The following OSBP2 variants were observed in gnomAD, a reference collection of about 807,000 sequenced individuals.
OSBP2 encodes oxysterol-binding protein 2.
Under a neutral mutation model 96.0 loss-of-function variants are expected in OSBP2, and 66 were observed. That is an observed-to-expected ratio of 0.69 (90% CI 0.56 to 0.84). OSBP2 has a LOEUF of 0.84. Among genes scored for constraint, OSBP2 ranks in the 40% least tolerant of loss-of-function variants. OSBP2 has a pLI of 0.00. For synonymous variants in OSBP2, 525 were observed against 520.9 expected (o/e 1.01, Z -0.11); for missense variants, 1,038 against 1,222.7 (o/e 0.85, Z 2.25).
intron 2 of OSBP2, among the ~76,000 whole-genome samples, chr22:30,828,625 A>G (rs1387126824): frequency 6.6e-6 from 1 of 152,166 alleles, no homozygotes; most frequent in Non-Finnish European, 1.5e-5. Context: ...GCAAGCAGCT[A>G]AGGGGTGGAT....
chr22:30,701,217 A>G (rs1009699333), intron 1 of OSBP2, among the ~76,000 whole-genome samples: 1 of 151,944 alleles, frequency 6.6e-6, no homozygotes, highest in African/African-American at 2.4e-5. Flanking sequence ...TGCCTCTGGG[A>G]TAGATTGTGT....
At chr22:30,700,860 C>T (rs1315352342) in intron 1 of OSBP2, among the ~76,000 whole-genome samples, 1 of 151,420 alleles carries the variant, frequency 6.6e-6, no homozygotes, top group Admixed American at 6.6e-5. Flanking sequence ...CTGAGGCGGG[C>T]AGATCACCTG....
At position 30,905,944 on chromosome 22, in the gene OSBP2, T is replaced by C; in HGVS notation, c.2483T>C (p.Leu828Pro). Residue 828 changes from leucine (L) to proline (P), a missense_variant, in exon 13 of 14, where the codon CTG becomes CCG. This residue lies in a region of OSBP2 where 737 missense variants were observed against 913.3 expected (regional missense o/e 0.81). Coordinates refer to ENST00000332585, the MANE Select transcript of OSBP2 (RefSeq NM_030758.4). ...AGCCGCCTGCGGCCCGACCAGCGGCTGATGGAGAAGGGCCGTTGGGACGAG... is the reference window on the plus strand; with the variant it reads ...AGCCGCCTGCGGCCCGACCAGCGGCCGATGGAGAAGGGCCGTTGGGACGAG... ...TDSRLRPDQR[L>P]MEKGRWDEAN... 6.2e-7 allele frequency: 1 copy of C among 1,612,368 alleles called. No homozygotes were observed. The highest frequency in any genetic ancestry group is 8.5e-7 in the Non-Finnish European group (1 of 1,179,464).
chr22:30,701,982 A>G (rs150308468), intron 1 of OSBP2, among the ~76,000 whole-genome samples: 68 of 152,274 alleles, frequency 4.5e-4, no homozygotes, highest in African/African-American at 1.6e-3. Flanking sequence ...AGTGCACACC[A>G]ACATTCTTAG....
chr22:30,855,977 G>A (rs1274278222), intron 2 of OSBP2, among the ~76,000 whole-genome samples: 1 of 152,230 alleles, frequency 6.6e-6, no homozygotes, highest in Non-Finnish European at 1.5e-5. Flanking sequence ...GCTATGTGAG[G>A]GGCCCCTGGG....
intron 2 of OSBP2, chr22:30,822,669 C>T (rs1379752343): frequency 2.0e-6 from 3 of 1,534,026 alleles, no homozygotes; most frequent in East Asian, 4.9e-5. Flanking sequence ...CCTCCGTGCG[C>T]TCCTTCTGCA....
At chr22:30,861,574 A>T (rs999018527) in intron 2 of OSBP2, among the ~76,000 whole-genome samples, 1 of 151,894 alleles carries the variant, frequency 6.6e-6, no homozygotes, top group Admixed American at 6.6e-5. Context: ...CTGATTTTCC[A>T]TCAGATTAGA....
At chr22:30,858,018 C>T (rs867118060) in intron 2 of OSBP2, among the ~76,000 whole-genome samples, 12 of 151,996 alleles carry the variant, frequency 7.9e-5, no homozygotes, top group Non-Finnish European at 1.6e-4. Flanking sequence ...GAAAGTATGC[C>T]GGGGGAAAGA....
intron 1 of OSBP2, among the ~76,000 whole-genome samples, chr22:30,696,404 A>G (rs1000088781): frequency 6.6e-6 from 1 of 152,144 alleles, no homozygotes; most frequent in Non-Finnish European, 1.5e-5. Context: ...GCTTGTTGGA[A>G]CACAAAGTGC....
intron 2 of OSBP2, among the ~76,000 whole-genome samples, chr22:30,850,299 T>C (rs949716566): frequency 2.2e-5 from 3 of 135,706 alleles, no homozygotes; most frequent in Admixed American, 8.0e-5. Context: ...AGAGCTAGAC[T>C]CTGTCTCAAA....
intron 2 of OSBP2, among the ~76,000 whole-genome samples, chr22:30,818,803 G>A (rs1318895344): frequency 6.6e-6 from 1 of 152,172 alleles, no homozygotes; most frequent in African/African-American, 2.4e-5. Flanking sequence ...GCCCAGGTGG[G>A]GCGTGACAAG....
At chr22:30,709,132 TAAAC>T (rs1348270518) in intron 1 of OSBP2, among the ~76,000 whole-genome samples, 1 of 151,912 alleles carries the variant, frequency 6.6e-6, no homozygotes, top group Admixed American at 6.6e-5. Context: ...AATAAATAAA[TAAAC>T]AAAAACATAT....
chr22:30,812,464 C>T (rs996103489), intron 2 of OSBP2, among the ~76,000 whole-genome samples: 1 of 152,166 alleles, frequency 6.6e-6, no homozygotes, highest in African/African-American at 2.4e-5. Flanking sequence ...TCACGCCTGG[C>T]CTCATTTTTT....
At position 30,786,018 on chromosome 22, in the gene OSBP2, T is replaced by TTGTGTGTGTGTG. The variant is rs59686538; in HGVS notation, c.853+44663_853+44674dup. ...CAATATGAGAATGGACTAATACAGT[T>TTGTGTGTGTGTG]TGTGTGTGTGTGTGTGTGTGTGTGT... On this transcript the variant is annotated intron_variant, in intron 2 of 13. Coordinates refer to ENST00000332585, the MANE Select transcript of OSBP2 (RefSeq NM_030758.4). Among the ~76,000 whole-genome samples the TTGTGTGTGTGTG allele has an allele frequency of 1.9e-3, 284 of 149,106 alleles. 2 individuals carry two copies. Among genetic ancestry groups the TTGTGTGTGTGTG allele is most frequent in the Middle Eastern group, 0.017 (5 of 288 alleles).
In OSBP2 at chr22:30,881,838, C is replaced by T; in HGVS notation, c.1108-5588C>T. 7.7e-7 allele frequency: 1 copy of T among 1,302,986 alleles called. No individual in the cohort carries two copies. The allele number at this position is 1,302,986 out of a possible 1,614,324, so 80.7% of individuals were successfully genotyped here. On this transcript the variant is annotated intron_variant, in intron 3 of 13. Coordinates refer to ENST00000332585, the MANE Select transcript of OSBP2 (RefSeq NM_030758.4). This position sits in a 1 kb window ranked among gnomAD's most constrained non-coding sequence, Gnocchi z 4.5. ...CCGGGCTGGGGGAGGTGGACGGGCT[C>T]TCTGCATCCATGGGGTGACCAGGCA...
intron 1 of OSBP2, among the ~76,000 whole-genome samples, chr22:30,721,372 G>A (rs886604265): frequency 1.3e-5 from 2 of 152,314 alleles, no homozygotes; most frequent in East Asian, 1.9e-4. Flanking sequence ...CATGGAGGCC[G>A]GGATCTCATC....
chr22:30,785,577 A>C (rs2090576736), intron 2 of OSBP2, among the ~76,000 whole-genome samples: 1 of 146,936 alleles, frequency 6.8e-6, no homozygotes, highest in Non-Finnish European at 1.5e-5. Flanking sequence ...AAAAAAAAAA[A>C]AAAAAACAGG....
intron 2 of OSBP2, among the ~76,000 whole-genome samples, chr22:30,785,576 AAAAAAAAC>A (rs2090576772): frequency 6.8e-6 from 1 of 146,384 alleles, no homozygotes; most frequent in Non-Finnish European, 1.5e-5. Context: ...CAAAAAAAAA[AAAAAAAAC>A]AGGCTTAATC....
intron 1 of OSBP2, among the ~76,000 whole-genome samples, chr22:30,728,311 C>T (rs772204455): frequency 1.3e-5 from 2 of 150,216 alleles, no homozygotes; most frequent in Non-Finnish European, 2.9e-5. Flanking sequence ...AGGAGAATGG[C>T]GTGAACCTGG....
Sources: allele counts gnomAD v4.1 joint callset (sites outside exome capture counted in the v4.1 genomes callset), GRCh38; gene constraint gnomAD v4.1.1; regional missense constraint gnomAD v4.1.1; non-coding constraint Gnocchi (gnomAD v3.1); transcripts MANE v1.5; gene names NCBI Gene and HGNC (gene_info 2026-07-23, HGNC 2026-07-21).